EPB41L4A: variants seen among roughly 807,000 people sequenced by gnomAD.
EPB41L4A encodes band 4.1-like protein 4A.
Under a neutral mutation model 108.6 loss-of-function variants are expected in EPB41L4A, and 100 were observed. That is an observed-to-expected ratio of 0.92 (90% CI 0.78 to 1.09). EPB41L4A has a LOEUF of 1.09. Ranked by LOEUF, EPB41L4A falls within the 50% of genes least tolerant of loss-of-function variation. EPB41L4A has a pLI of 0.00. For missense variants in EPB41L4A, 1,030 were observed against 842.7 expected, an observed-to-expected ratio of 1.22 and a Z score of -2.75; for synonymous variants, 319 against 289.0, an observed-to-expected ratio of 1.10 and a Z score of -1.05.
chr5:112,227,494 C>T (rs533148687), intron 12 of EPB41L4A, among the ~76,000 whole-genome samples: 89 of 152,246 alleles, frequency 5.8e-4, no homozygotes, highest in African/African-American at 1.9e-3. Flanking sequence ...GACAGCAACT[C>T]ATCTGACAGA....
intron 17 of EPB41L4A, among the ~76,000 whole-genome samples, chr5:112,185,246 T>C (rs1217340741): frequency 6.6e-6 from 1 of 152,182 alleles, no homozygotes; most frequent in Admixed American, 6.5e-5. Flanking sequence ...GTACTGCAAC[T>C]GCATGAGCAT....
intron 12 of EPB41L4A, among the ~76,000 whole-genome samples, chr5:112,225,674 A>C (rs1402933758): frequency 6.6e-6 from 1 of 152,160 alleles, no homozygotes; most frequent in Non-Finnish European, 1.5e-5. Flanking sequence ...CTGCATGCAT[A>C]CTTTCCCACC....
chr5:112,286,356 G>C (rs1159844135), intron 2 of EPB41L4A, among the ~76,000 whole-genome samples: 3 of 152,092 alleles, frequency 2.0e-5, no homozygotes, highest in Non-Finnish European at 4.4e-5. Context: ...CACAACCATA[G>C]GTGGGCTTGC....
At chr5:112,211,083 T>C (rs1371878085) in intron 12 of EPB41L4A, among the ~76,000 whole-genome samples, 1 of 152,226 alleles carries the variant, frequency 6.6e-6, no homozygotes, top group Non-Finnish European at 1.5e-5. Flanking sequence ...ATGAAGTAGA[T>C]ATCAATGTTA....
chr5:112,161,752 T>A (rs1580342025), downstream of EPB41L4A: 1 of 421,802 alleles, frequency 2.4e-6, no homozygotes, highest in East Asian at 5.8e-5. Context: ...GAATACCATC[T>A]GGGAGCATAA....
intron 11 of EPB41L4A, 29 bp from the exon 12 acceptor site, chr5:112,234,784 A>C: frequency 6.3e-7 from 1 of 1,595,956 alleles, no homozygotes; most frequent in Non-Finnish European, 8.6e-7. Context: ...TGATTAGCAA[A>C]GGTAAAACCA....
intron 12 of EPB41L4A, among the ~76,000 whole-genome samples, chr5:112,211,718 C>CAGTT (rs1245334021): frequency 6.6e-6 from 1 of 152,122 alleles, no homozygotes; most frequent in Admixed American, 6.5e-5. Context: ...TCCTCCAGAG[C>CAGTT]AGTTGGGAAG....
chr5:112,207,068 A>G (rs745642581), intron 13 of EPB41L4A: 1 of 152,252 alleles, frequency 6.6e-6, no homozygotes, highest in Non-Finnish European at 1.5e-5. Context: ...CAAAAACAGC[A>G]TGGTATGGTA....
chr5:112,359,846 C>G (rs1456778061), intron 1 of EPB41L4A, among the ~76,000 whole-genome samples: 1 of 152,088 alleles, frequency 6.6e-6, no homozygotes, highest in African/African-American at 2.4e-5. Flanking sequence ...AGCCAAAAGT[C>G]TTGATGAGTT....
At chr5:112,217,149 G>T (rs1468924801) in intron 12 of EPB41L4A, among the ~76,000 whole-genome samples, 1 of 151,946 alleles carries the variant, frequency 6.6e-6, no homozygotes, top group Non-Finnish European at 1.5e-5. Flanking sequence ...TCACCATGTT[G>T]CCCAGGCTGG....
At chr5:112,254,258 A>G (rs910078622) in intron 9 of EPB41L4A, among the ~76,000 whole-genome samples, 1 of 152,212 alleles carries the variant, frequency 6.6e-6, no homozygotes, top group African/African-American at 2.4e-5. Context: ...GTATTATCCT[A>G]AATTCCTATT....
intron 15 of EPB41L4A, chr5:112,197,069 A>T (rs1348630588): frequency 6.6e-6 from 1 of 152,152 alleles, no homozygotes; most frequent in Non-Finnish European, 1.5e-5. Flanking sequence ...TTGTGGTCCC[A>T]TCACCCTGTG....
chr5:112,279,064 C>CAA (rs60463391), intron 3 of EPB41L4A, among the ~76,000 whole-genome samples: 8,005 of 76,264 alleles, frequency 0.1, 472 homozygotes, highest in Non-Finnish European at 0.11. Context: ...GATACCGTCT[C>CAA]AAAAAAAAAA....
At chr5:112,401,999 A>T (rs1261614210) in intron 1 of EPB41L4A, among the ~76,000 whole-genome samples, 1 of 152,232 alleles carries the variant, frequency 6.6e-6, no homozygotes, top group Non-Finnish European at 1.5e-5. Context: ...GCAATAAATT[A>T]GCCACTTGCA....
intron 2 of EPB41L4A, among the ~76,000 whole-genome samples, chr5:112,301,904 T>G (rs1241245522): frequency 6.6e-6 from 1 of 151,982 alleles, no homozygotes; most frequent in East Asian, 1.9e-4. Flanking sequence ...TGGATATATG[T>G]TTTTTATTAA....
At chr5:112,379,135 G>T (rs1471634659) in intron 1 of EPB41L4A, among the ~76,000 whole-genome samples, 1 of 152,166 alleles carries the variant, frequency 6.6e-6, no homozygotes, top group Non-Finnish European at 1.5e-5. Context: ...CCCTGGGGGG[G>T]TCAAGCTAGC....
intron 12 of EPB41L4A, among the ~76,000 whole-genome samples, chr5:112,228,129 C>G (rs1176968825): frequency 1.3e-5 from 2 of 152,192 alleles, no homozygotes; most frequent in African/African-American, 4.8e-5. Flanking sequence ...CCAGCTCTGT[C>G]AAGGGACAGA....
intron 1 of EPB41L4A, among the ~76,000 whole-genome samples, chr5:112,381,637 C>A (rs766181205): frequency 2.0e-5 from 3 of 152,242 alleles, no homozygotes; most frequent in African/African-American, 7.2e-5. Flanking sequence ...TGAGCCAAAT[C>A]CAAACAAGGC....
In EPB41L4A at chr5:112,307,494, CA is replaced by C. The variant is rs1580653634; in HGVS notation, c.100-5del. 1 of 1,602,488 alleles carries C rather than the reference CA, an allele frequency of 6.2e-7. No homozygotes were observed. Reference sequence around the variant, plus strand: ...CAACGGAACCTTTCGTTGACTTCTGCAAAAATAATTCAGTTTTATATTTTTT... The same window carrying C: ...CAACGGAACCTTTCGTTGACTTCTGCAAAATAATTCAGTTTTATATTTTTT... On this transcript the variant is annotated splice_region_variant and splice_polypyrimidine_tract_variant and intron_variant, in intron 1 of 22. Coordinates refer to ENST00000261486, the MANE Select transcript of EPB41L4A (RefSeq NM_022140.5).
Sources: allele counts gnomAD v4.1 joint callset (sites outside exome capture counted in the v4.1 genomes callset), GRCh38; gene constraint gnomAD v4.1.1; transcripts MANE v1.5; gene names NCBI Gene and HGNC (gene_info 2026-07-23, HGNC 2026-07-21).